DAPK1: variants seen among roughly 807,000 people sequenced by gnomAD.
The protein encoded by DAPK1 is death-associated protein kinase 1.
Under a neutral mutation model 144.9 loss-of-function variants are expected in DAPK1, and 56 were observed. The ratio of observed to expected loss-of-function variants is 0.39; its 90% CI spans 0.31 to 0.48. The LOEUF (loss-of-function observed/expected upper bound fraction) is 0.48, where lower values mean the gene tolerates loss of function less well. DAPK1 is among the 20% of genes least tolerant of loss of function. The probability of loss-of-function intolerance (pLI) is 0.95; values close to 1 mark genes in which losing one functional copy is unlikely to be tolerated. For synonymous variants in DAPK1, 690 were observed against 749.0 expected, an observed-to-expected ratio of 0.92 and a Z score of 1.29; for missense variants, 1,454 against 1,875.4, an observed-to-expected ratio of 0.78 and a Z score of 4.15.
intron 2 of DAPK1, among the ~76,000 whole-genome samples, chr9:87,589,000 T>G (rs1301175133): frequency 6.6e-6 from 1 of 150,888 alleles, no homozygotes; most frequent in Non-Finnish European, 1.5e-5. Flanking sequence ...GTGATTCTCC[T>G]GCCTCAGCCT....
At chr9:87,684,742 A>C (rs1824778977) in intron 20 of DAPK1, among the ~76,000 whole-genome samples, 1 of 151,868 alleles carries the variant, frequency 6.6e-6, no homozygotes, top group African/African-American at 2.4e-5. Flanking sequence ...GTGACCAGGT[A>C]AAGTGGGTCT....
intron 21 of DAPK1, among the ~76,000 whole-genome samples, chr9:87,693,480 G>A (rs1825147818): frequency 6.6e-6 from 1 of 151,814 alleles, no homozygotes; most frequent in Non-Finnish European, 1.5e-5. Context: ...TGATATCTTT[G>A]TATTGTTTTT....
At chr9:87,519,726 T>C (rs1825221662) in intron 2 of DAPK1, among the ~76,000 whole-genome samples, 1 of 152,178 alleles carries the variant, frequency 6.6e-6, no homozygotes. Flanking sequence ...TGACTTTTCC[T>C]CAGGATCTGG....
At chr9:87,561,172 C>G (rs376811294) in intron 2 of DAPK1, among the ~76,000 whole-genome samples, 1 of 152,012 alleles carries the variant, frequency 6.6e-6, no homozygotes, top group South Asian at 2.1e-4. Flanking sequence ...GTGCTTATTT[C>G]CTATCTTTTG....
chr9:87,614,134 T>C (rs1477497112), intron 3 of DAPK1, among the ~76,000 whole-genome samples: 1 of 152,210 alleles, frequency 6.6e-6, no homozygotes, highest in African/African-American at 2.4e-5. Flanking sequence ...CTCTCACTTC[T>C]TGCCAGTTCA....
chr9:87,528,937 A>T (rs932296616), intron 2 of DAPK1, among the ~76,000 whole-genome samples: 1 of 151,376 alleles, frequency 6.6e-6, no homozygotes, highest in African/African-American at 2.4e-5. Context: ...CGCACTATAT[A>T]CCCTGGTATA....
intron 2 of DAPK1, chr9:87,554,275 A>G (rs1826616955): frequency 6.6e-6 from 1 of 152,206 alleles, no homozygotes; most frequent in Admixed American, 6.5e-5. Flanking sequence ...AGAGGAAGTT[A>G]TTTCTTGAAT....
Position 87,647,369 on chromosome 9 carries a change from G to A in DAPK1, c.1295G>A (p.Ser432Asn). Residue 432 changes from serine (S) to asparagine (N), a missense_variant, in exon 14 of 26, where the codon AGT becomes AAT. By Grantham distance (46) the Ser-to-Asn change is conservative. Around this residue, in one of 2 missense-constraint regions of DAPK1, gnomAD observed 429 missense variants for 637.5 expected, o/e 0.67. Coordinates refer to ENST00000408954, the MANE Select transcript of DAPK1 (RefSeq NM_004938.4). Reference protein sequence around the residue: ...HGHVDTLKFLSENKCPLDVKD... With the variant: ...HGHVDTLKFLNENKCPLDVKD... ...CACGTCGATACCTTGAAATTTCTCA[G>A]TGAGAACAAATGCCCTTTGGATGTG... 6.2e-7 allele frequency: 1 copy of A among 1,614,212 alleles called. No homozygotes were observed. The highest frequency in any genetic ancestry group is 8.5e-7 in the Non-Finnish European group (1 of 1,180,036).
intron 2 of DAPK1, among the ~76,000 whole-genome samples, chr9:87,507,908 T>G (rs1284320069): frequency 1.3e-5 from 2 of 152,248 alleles, no homozygotes; most frequent in Non-Finnish European, 2.9e-5. Context: ...TGGCAAATAT[T>G]TTAAGTGCAG....
chr9:87,624,627 G>A (rs761159489), intron 3 of DAPK1, among the ~76,000 whole-genome samples: 1 of 152,186 alleles, frequency 6.6e-6, no homozygotes, highest in Non-Finnish European at 1.5e-5. Flanking sequence ...TACTCAGCCA[G>A]CAAGTGGACA....
chr9:87,604,217 C>T (rs1182390417), intron 2 of DAPK1, among the ~76,000 whole-genome samples: 1 of 152,030 alleles, frequency 6.6e-6, no homozygotes, highest in African/African-American at 2.4e-5. Context: ...TCTCAGAAAG[C>T]CTGTGTCTCT....
intron 2 of DAPK1, among the ~76,000 whole-genome samples, chr9:87,574,319 A>G (rs147609861): frequency 1.8e-4 from 27 of 152,354 alleles, no homozygotes; most frequent in African/African-American, 5.0e-4. Context: ...CTAGGACCCA[A>G]GACACAGTGA....
intron 21 of DAPK1, among the ~76,000 whole-genome samples, chr9:87,689,219 A>T (rs1027821276): frequency 3.3e-5 from 5 of 152,004 alleles, no homozygotes; most frequent in Admixed American, 1.3e-4. Context: ...TATTTTTGTC[A>T]ACTTTGTCGC....
intron 2 of DAPK1, among the ~76,000 whole-genome samples, chr9:87,520,450 ACT>A (rs1314171949): frequency 6.6e-6 from 1 of 152,078 alleles, no homozygotes; most frequent in African/African-American, 2.4e-5. Context: ...GCTCTGTGGA[ACT>A]CTTGTTCTCT....
At chr9:87,577,176 G>T (rs761872516) in intron 2 of DAPK1, among the ~76,000 whole-genome samples, 1 of 152,192 alleles carries the variant, frequency 6.6e-6, no homozygotes, top group Non-Finnish European at 1.5e-5. Flanking sequence ...TACAACTGTG[G>T]TTCTCAAAGT....
At chr9:87,560,240 C>G (rs911272337) in intron 2 of DAPK1, among the ~76,000 whole-genome samples, 3 of 152,076 alleles carry the variant, frequency 2.0e-5, no homozygotes, top group African/African-American at 4.8e-5. Flanking sequence ...AAGTGATCTG[C>G]CTGCCTTGGC....
intron 19 of DAPK1, among the ~76,000 whole-genome samples, chr9:87,672,884 C>T (rs1208285745): frequency 1.3e-5 from 2 of 152,142 alleles, no homozygotes; most frequent in African/African-American, 4.8e-5. Context: ...CTGTGGAGGA[C>T]ACCAGGAAGG....
In DAPK1 at chr9:87,639,596, A is replaced by C. The variant is rs1341470724; in HGVS notation, c.554-54A>C. On this transcript the variant is annotated intron_variant, in intron 5 of 25. Transcript: ENST00000408954. Reference sequence around the variant, plus strand: ...ATGTTCCTGGTTGTTGCATGAAGATAGAATCGGTTAGTTTGCTTCCTCCCA... The same window carrying C: ...ATGTTCCTGGTTGTTGCATGAAGATCGAATCGGTTAGTTTGCTTCCTCCCA... 4 of 1,612,422 alleles carry C rather than the reference A, an allele frequency of 2.5e-6. No homozygotes were observed. The East Asian group carries it at 8.9e-5, about 36-fold the overall frequency.
rs377253457 is a variant in DAPK1 at position 87,571,473 on chromosome 9, A to ACACACACACACACACACC, written c.63-33480_63-33479insACACACACACACACACCC. Among the ~76,000 whole-genome samples, 9 of 57,614 alleles carry ACACACACACACACACACC rather than the reference A, an allele frequency of 1.6e-4. 1 individual carries two copies. Among genetic ancestry groups the ACACACACACACACACACC allele is most frequent in the African/African-American group, 3.8e-4 (5 of 13,008 alleles). 37.8% of individuals were successfully genotyped at this position (57,614 alleles called of 152,430 possible). A position where few individuals can be genotyped will look rare whatever the true frequency, so the allele number is the denominator to read the frequency against. ...CACACACACACACACACACACACAC[A>ACACACACACACACACACC]CCAACACACACACACACACACCCCA... On this transcript the variant is annotated intron_variant, in intron 2 of 25. Transcript: ENST00000408954.
Sources: allele counts gnomAD v4.1 joint callset (sites outside exome capture counted in the v4.1 genomes callset), GRCh38; gene constraint gnomAD v4.1.1; regional missense constraint gnomAD v4.1.1; transcripts MANE v1.5; gene names NCBI Gene and HGNC (gene_info 2026-07-23, HGNC 2026-07-21).